Variants in NDRG2 observed in about 807,000 individuals in gnomAD.
NDRG2 encodes NDRG family member 2.
NDRG2 carries 34 observed loss-of-function variants against 58.2 expected under a neutral mutation model. The observed-to-expected ratio is 0.58, with a 90% CI of 0.44 to 0.78. NDRG2 has a LOEUF of 0.78. Among genes scored for constraint, NDRG2 ranks in the 30% least tolerant of loss-of-function variants. NDRG2 has a pLI of 0.00. For missense variants in NDRG2, 434 were observed against 471.2 expected, an observed-to-expected ratio of 0.92 and a Z score of 0.73; for synonymous variants, 187 against 175.9, an observed-to-expected ratio of 1.06 and a Z score of -0.50.
intron 1 of NDRG2, among the ~76,000 whole-genome samples, chr14:21,052,753 G>T (rs1885522681): frequency 6.6e-6 from 1 of 152,178 alleles, no homozygotes; most frequent in African/African-American, 2.4e-5. Context: ...TTAGAGAAAT[G>T]ATGCAGGAAA....
rs943825198 is a variant in NDRG2, at chr14:21,019,261, A to G, written c.717-101T>C. The G allele has an allele frequency of 9.1e-6, 11 of 1,212,168 alleles. No homozygotes were observed. The African/African-American group carries it at 1.7e-4, about 19-fold the overall frequency. 75.1% of individuals were successfully genotyped at this position (1,212,168 alleles called of 1,614,324 possible). A position where few individuals can be genotyped will look rare whatever the true frequency, so the allele number is the denominator to read the frequency against. On this transcript the variant is annotated intron_variant, in intron 10 of 15. Coordinates refer to ENST00000556147, the MANE Select transcript of NDRG2 (RefSeq NM_001320329.2). Reference sequence around the variant, plus strand: ...ATGGAACTATCTTTGTCTAAAAATTACGGTCAAATCTTGGTTATTAAAGGT... The same window carrying G: ...ATGGAACTATCTTTGTCTAAAAATTGCGGTCAAATCTTGGTTATTAAAGGT...
At chr14:21,021,576 G>A in intron 6 of NDRG2, 1 of 532,834 alleles carries the variant, frequency 1.9e-6, no homozygotes, top group South Asian at 2.3e-5. Context: ...CTTAGCCTGA[G>A]GCAGGGCCAA....
chr14:21,021,467 G>T, intron 6 of NDRG2: 1 of 326,372 alleles, frequency 3.1e-6, no homozygotes, highest in East Asian at 7.1e-5. Flanking sequence ...GCATGAAGGA[G>T]AGGGGAGTGG....
intron 1 of NDRG2, among the ~76,000 whole-genome samples, chr14:21,051,981 T>C (rs1885489011): frequency 6.6e-6 from 1 of 152,208 alleles, no homozygotes; most frequent in African/African-American, 2.4e-5. Context: ...CTGCTCCCCT[T>C]CTTTCAAGGC....
chr14:21,021,050 T>A (rs1566463253), intron 6 of NDRG2: 1 of 678,020 alleles, frequency 1.5e-6, no homozygotes, highest in Non-Finnish European at 2.7e-6. Flanking sequence ...CTGAAGTCTA[T>A]CCCCAGCTTT....
intron 1 of NDRG2, among the ~76,000 whole-genome samples, chr14:21,066,742 GGCAAGA>G (rs1405294538): frequency 2.0e-5 from 3 of 152,232 alleles, no homozygotes; most frequent in Admixed American, 1.3e-4. Context: ...TGCTAGCACA[GGCAAGA>G]TGCTGGTGGT....
intron 1 of NDRG2, chr14:21,057,700 G>A (rs2139149289): frequency 1.8e-6 from 1 of 554,632 alleles, no homozygotes; most frequent in East Asian, 2.9e-5. Flanking sequence ...GTTTATTAGA[G>A]GCACAAAAAG....
rs11325826 is a variant in NDRG2 at position 21,020,293 on chromosome 14, CAAAAAAAA to C, written c.555+195_555+202del. The C allele has an allele frequency of 1.3e-5, 5 of 389,806 alleles. No individual in the cohort carries two copies. The East Asian group carries it at 1.6e-4, about 13-fold the overall frequency. 24.1% of individuals were successfully genotyped at this position (389,806 alleles called of 1,614,324 possible). On this transcript the variant is annotated intron_variant, in intron 8 of 15. Transcript: ENST00000556147. ...TTGGCAACAGAGTGAGACACCATCT[CAAAAAAAA>C]AAAAAAAAAGAAAAAGAAAAAGAAA... is the stretch of plus-strand genomic sequence containing the variant.
chr14:21,023,765 T>TACGGC, intron 1 of NDRG2: 1 of 164,542 alleles, frequency 6.1e-6, no homozygotes, highest in Non-Finnish European at 1.3e-5. Context: ...AGTTCACAAT[T>TACGGC]GACCATGACC....
At chr14:21,069,498 A>G (rs1249810735) in intron 1 of NDRG2, among the ~76,000 whole-genome samples, 1 of 152,182 alleles carries the variant, frequency 6.6e-6, no homozygotes, top group Non-Finnish European at 1.5e-5. Flanking sequence ...AGGGCCACGG[A>G]GGAGAGAACT....
In NDRG2 at chr14:21,070,436, C is replaced by G; in HGVS notation, c.24+392G>C. The G allele has an allele frequency of 1.4e-6, 2 of 1,380,070 alleles. No individual in the cohort carries two copies. The highest frequency in any genetic ancestry group is 1.9e-6 in the Non-Finnish European group (2 of 1,074,242). The allele number at this position is 1,380,070 out of a possible 1,614,324, so 85.5% of individuals were successfully genotyped here. A position where few individuals can be genotyped will look rare whatever the true frequency, so the allele number is the denominator to read the frequency against. On this transcript the variant is annotated intron_variant, in intron 1 of 14. Transcript: ENST00000403829. The surrounding 1 kb of genome is among the most constrained non-coding windows in gnomAD (Gnocchi z 4.7). ...GTCGCAGCCCCCTGGGTCCCCTCGG[C>G]CTTCGCGCAGCCCGCTCCGGGCCCC...
intron 1 of NDRG2, among the ~76,000 whole-genome samples, chr14:21,067,980 C>CTTTTTTTTTTTT (rs1171332473): frequency 4.5e-5 from 1 of 22,284 alleles, no homozygotes; most frequent in Non-Finnish European, 1.2e-4. Context: ...AGTGGCTCCC[C>CTTTTTTTTTTTT]TTTTTTTTTT....
chr14:21,034,386 T>A, intron 1 of NDRG2: 1 of 839,726 alleles, frequency 1.2e-6, no homozygotes, highest in Non-Finnish European at 1.9e-6. Context: ...AACCCAACAG[T>A]ACTTTAGAGA....
Position 21,033,675 on chromosome 14 carries a change from G to C in NDRG2, c.25-10354C>G. ...ACTTTGCATGGTGATCAAAGCCCTGGACATTTTCGCACCCACCTGGTCTCT... is the reference window on the plus strand; with the variant it reads ...ACTTTGCATGGTGATCAAAGCCCTGCACATTTTCGCACCCACCTGGTCTCT... On this transcript the variant is annotated intron_variant, in intron 1 of 14. Coordinates refer to the NDRG2 transcript ENST00000403829. The C allele has an allele frequency of 4.5e-6, 3 of 669,568 alleles. No homozygotes were observed. The South Asian group carries it at 5.1e-5, about 11-fold the overall frequency. The allele number at this position is 669,568 out of a possible 1,614,324, so 41.5% of individuals were successfully genotyped here. A position where few individuals can be genotyped will look rare whatever the true frequency, so the allele number is the denominator to read the frequency against.
Position 21,017,623 on chromosome 14 carries a change from C to T in NDRG2, c.1089G>A (p.Pro363=), listed in dbSNP as rs748170347. The change falls in exon 16 of 16, where the codon CCG becomes CCA. Residue 363 remains proline, a synonymous_variant. Transcript: ENST00000556147. ...SESGTLSSGP[P]GHTMEVSC is the part of the protein sequence containing the mutation. ...AACAGGAGACCTCCATGGTGTGCCC[C>T]GGGGGCCCCGAAGAAAGAGTTCCAG... The T allele has an allele frequency of 1.9e-5, 30 of 1,613,536 alleles. No individual in the cohort carries two copies. In the South Asian group the frequency reaches 2.3e-4, roughly 12 times the overall value.
At chr14:21,037,963 C>G (rs1884726312) in intron 1 of NDRG2, among the ~76,000 whole-genome samples, 1 of 152,140 alleles carries the variant, frequency 6.6e-6, no homozygotes, top group Non-Finnish European at 1.5e-5. Context: ...GAGGAGAACC[C>G]CAAAATTTTG....
At chr14:21,045,687 T>A (rs1392989286) in intron 1 of NDRG2, among the ~76,000 whole-genome samples, 1 of 152,252 alleles carries the variant, frequency 6.6e-6, no homozygotes, top group Non-Finnish European at 1.5e-5. Flanking sequence ...ATGCCTTCAA[T>A]GCATCCTCCC....
intron 1 of NDRG2, among the ~76,000 whole-genome samples, chr14:21,037,121 C>G (rs1884675808): frequency 6.6e-6 from 1 of 152,048 alleles, no homozygotes; most frequent in Admixed American, 6.6e-5. Context: ...CTCTTCGCTC[C>G]CCCCACCCAA....
chr14:21,062,834 C>T (rs1886038170), intron 1 of NDRG2, among the ~76,000 whole-genome samples: 1 of 151,164 alleles, frequency 6.6e-6, no homozygotes, highest in South Asian at 2.1e-4. Flanking sequence ...CTCCACCTCC[C>T]AGGTTCCAGT....
Sources: allele counts gnomAD v4.1 joint callset (sites outside exome capture counted in the v4.1 genomes callset), GRCh38; gene constraint gnomAD v4.1.1; non-coding constraint Gnocchi (gnomAD v3.1); transcripts MANE v1.5; gene names NCBI Gene and HGNC (gene_info 2026-07-23, HGNC 2026-07-21).